The following PCDHA8 variants were observed in gnomAD, a reference collection of about 807,000 sequenced individuals.
PCDHA8 encodes the protein protocadherin alpha-8.
Under a neutral mutation model 61.8 loss-of-function variants are expected in PCDHA8, and 53 were observed. That is an observed-to-expected ratio of 0.86 (90% CI 0.69 to 1.08). The LOEUF (loss-of-function observed/expected upper bound fraction) is 1.08, where lower values mean the gene tolerates loss of function less well. Among genes scored for constraint, PCDHA8 ranks in the 50% least tolerant of loss-of-function variants. The pLI, the probability that PCDHA8 is intolerant of heterozygous loss-of-function variation, is 0.00. For missense variants in PCDHA8, 1,293 were observed against 1,245.0 expected (o/e 1.04, Z -0.58); for synonymous variants, 618 against 556.6 (o/e 1.11, Z -1.55).
chr5:140,927,506 C>G (rs1554204645), intron 1 of PCDHA8: 1 of 1,614,128 alleles, frequency 6.2e-7, no homozygotes, highest in Non-Finnish European at 8.5e-7. Context: ...GTGCTTACAG[C>G]TCGGGACGGC....
chr5:140,861,870 GC>G (rs1319389506), intron 1 of PCDHA8: 1 of 156,092 alleles, frequency 6.4e-6, no homozygotes, highest in East Asian at 1.9e-4. Context: ...ACTGATGGGG[GC>G]GAAGCTGAGC....
At chr5:140,993,078 A>G (rs1373767899) in intron 3 of PCDHA8, among the ~76,000 whole-genome samples, 2 of 152,212 alleles carry the variant, frequency 1.3e-5, no homozygotes, top group Non-Finnish European at 2.9e-5. Flanking sequence ...GCAGTCTGCA[A>G]TCAGCAGGGC....
chr5:140,856,851 C>A, intron 1 of PCDHA8: 1 of 1,593,160 alleles, frequency 6.3e-7, no homozygotes. Flanking sequence ...GCTTCTGATT[C>A]GGATGAAGGA....
At chr5:140,854,998 A>G (rs2043301191) in intron 1 of PCDHA8, among the ~76,000 whole-genome samples, 1 of 149,868 alleles carries the variant, frequency 6.7e-6, no homozygotes, top group East Asian at 1.9e-4. Flanking sequence ...TTGCCCGTGT[A>G]AGATATTATA....
intron 1 of PCDHA8, chr5:140,856,941 C>G: frequency 6.3e-7 from 1 of 1,592,588 alleles, no homozygotes; most frequent in Non-Finnish European, 8.6e-7. Context: ...AACGAAAGGA[C>G]GGGAGAAATA....
chr5:140,877,406 A>G (rs1554169685), intron 1 of PCDHA8: 2 of 1,613,868 alleles, frequency 1.2e-6, no homozygotes, highest in East Asian at 2.2e-5. Flanking sequence ...GCTCCGCGCC[A>G]CCGCCTGCTG....
chr5:140,967,539 A>G (rs1554229656), intron 1 of PCDHA8: 2 of 1,613,730 alleles, frequency 1.2e-6, no homozygotes, highest in African/African-American at 1.3e-5. Flanking sequence ...CCTGCCTTTG[A>G]CCAGTCCACT....
At chr5:140,895,267 T>G (rs2064938299) in intron 1 of PCDHA8, among the ~76,000 whole-genome samples, 1 of 152,162 alleles carries the variant, frequency 6.6e-6, no homozygotes. Flanking sequence ...TTTTTCTTAC[T>G]CAGGGATAAT....
At chr5:140,855,043 A>G (rs1177113480) in intron 1 of PCDHA8, among the ~76,000 whole-genome samples, 1 of 150,018 alleles carries the variant, frequency 6.7e-6, no homozygotes, top group African/African-American at 2.4e-5. Flanking sequence ...TTTTTCTGTA[A>G]TAGTACTTTT....
chr5:140,885,053 A>T (rs2060447405), intron 1 of PCDHA8, among the ~76,000 whole-genome samples: 1 of 152,248 alleles, frequency 6.6e-6, no homozygotes, highest in African/African-American at 2.4e-5. Flanking sequence ...ATGTATACAT[A>T]TACCCACAAG....
intron 1 of PCDHA8, chr5:140,929,432 T>C: frequency 1.4e-6 from 2 of 1,474,372 alleles, no homozygotes; most frequent in Non-Finnish European, 1.8e-6. Flanking sequence ...TCAATTGAAC[T>C]AAACACTCCT....
intron 3 of PCDHA8, among the ~76,000 whole-genome samples, chr5:140,984,922 C>T (rs2097125803): frequency 6.6e-6 from 1 of 152,074 alleles, no homozygotes; most frequent in Non-Finnish European, 1.5e-5. Flanking sequence ...TAGTGCTTGA[C>T]ATATAGTTAA....
At chr5:140,879,141 G>C (rs1413837977) in intron 1 of PCDHA8, among the ~76,000 whole-genome samples, 2 of 152,192 alleles carry the variant, frequency 1.3e-5, no homozygotes, top group Non-Finnish European at 2.9e-5. Context: ...GATTGTGAAG[G>C]CAGGAAAGCT....
At position 140,841,244 on chromosome 5, in the gene PCDHA8, G is replaced by A; in HGVS notation, c.-78G>A. On this transcript the variant is annotated 5_prime_UTR_variant, in exon 1 of 4. The change creates a premature stop within an existing upstream ORF in the 5' untranslated region. Coordinates refer to ENST00000531613, the MANE Select transcript of PCDHA8 (RefSeq NM_018911.3). ...GAACAACGGGAGATGCAGCGGAATT[G>A]GATTAAAAGACTCTGAAAGTACAGT... 1 of 1,496,324 alleles carries A rather than the reference G, an allele frequency of 6.7e-7. No homozygotes were observed. The highest frequency in any genetic ancestry group is 1.4e-5 in the South Asian group (1 of 73,992). 92.7% of individuals were successfully genotyped at this position (1,496,324 alleles called of 1,614,324 possible).
At position 140,923,025 on chromosome 5, in the gene PCDHA8, C is replaced by G. The variant is rs547252764; in HGVS notation, c.2395-55924C>G. ...GGTTGTTGGACTGCAGTTTCGGACTCTATTACTACATGTATAGTATTTAGA... is the reference window on the plus strand; with the variant it reads ...GGTTGTTGGACTGCAGTTTCGGACTGTATTACTACATGTATAGTATTTAGA... On this transcript the variant is annotated intron_variant, in intron 1 of 3. Coordinates refer to ENST00000531613, the MANE Select transcript of PCDHA8 (RefSeq NM_018911.3). 2.6e-5 allele frequency among the ~76,000 whole-genome samples: 4 copies of G among 152,296 alleles called. No homozygotes were observed. The East Asian group carries it at 7.7e-4, about 29-fold the overall frequency.
chr5:140,843,184 G>C lies in PCDHA8; in HGVS notation c.1863G>C (p.Pro621=). ...LQPAASSPRI[P]FRVGLYTGEI... is the part of the protein sequence containing the mutation. ...CAGCTGCAAGCAGCCCTCGCATCCC[G>C]TTCCGCGTGGGGCTGTACACGGGCG... The change falls in exon 1 of 4, where the codon CCG becomes CCC. Residue 621 remains proline, a synonymous_variant. Transcript: ENST00000531613. 1 of 1,596,022 alleles carries C rather than the reference G, an allele frequency of 6.3e-7. No homozygotes were observed. The highest frequency in any genetic ancestry group is 8.6e-7 in the Non-Finnish European group (1 of 1,165,608).
chr5:140,851,022 T>C, intron 1 of PCDHA8: 1 of 1,428,366 alleles, frequency 7.0e-7, no homozygotes, highest in Non-Finnish European at 9.2e-7. Context: ...TCTGATAAAG[T>C]AAACCCCTTA....
At chr5:140,987,318 A>C (rs148008812) in intron 3 of PCDHA8, among the ~76,000 whole-genome samples, 3,398 of 152,304 alleles carry the variant, frequency 0.022, 70 homozygotes, top group Admixed American at 0.058. Flanking sequence ...TGTACTGTGA[A>C]GTTTTAAGAA....
At position 140,842,577 on chromosome 5, in the gene PCDHA8, C is replaced by A; in HGVS notation, c.1256C>A (p.Ser419Ter). Reference protein sequence around the residue: ...LDSALDRERVSAYELVVTARD... With the variant: ...LDSALDRERV ...AGCGCCCTGGACCGCGAGAGAGTGT[C>A]GGCCTATGAGTTGGTGGTAACCGCG... Residue 419 changes from serine (S) to a stop codon, truncating the protein, a stop_gained, in exon 1 of 4, where the codon TCG becomes TAG. Transcript: ENST00000531613. LOFTEE classifies it high-confidence loss of function. 6.6e-7 allele frequency: 1 copy of A among 1,512,698 alleles called. No individual in the cohort carries two copies. The highest frequency in any genetic ancestry group is 9.0e-7 in the Non-Finnish European group (1 of 1,113,118). The allele number at this position is 1,512,698 out of a possible 1,614,324, so 93.7% of individuals were successfully genotyped here. A position where few individuals can be genotyped will look rare whatever the true frequency, so the allele number is the denominator to read the frequency against.
Sources: gnomAD v4.1 joint callset for allele counts (sites outside exome capture counted in the v4.1 genomes callset) on GRCh38, gnomAD v4.1.1 for gene constraint, MANE v1.5 for transcripts, NCBI Gene and HGNC (gene_info 2026-07-23, HGNC 2026-07-21) for gene names.